The following GPC6 variants were observed in gnomAD, a reference collection of about 807,000 sequenced individuals.
GPC6 encodes the protein glypican-6.
Under a neutral mutation model 55.2 loss-of-function variants are expected in GPC6, and 14 were observed. That is an observed-to-expected ratio of 0.25 (90% CI 0.17 to 0.40). The LOEUF (loss-of-function observed/expected upper bound fraction) is 0.40. Among genes scored for constraint, GPC6 ranks in the 10% least tolerant of loss-of-function variants. The probability of loss-of-function intolerance (pLI) is 1.00; values close to 1 mark genes in which losing one functional copy is unlikely to be tolerated. For synonymous variants in GPC6, 278 were observed against 259.6 expected, an observed-to-expected ratio of 1.07 and a Z score of -0.68; for missense variants, 641 against 708.5, an observed-to-expected ratio of 0.90 and a Z score of 1.08.
At chr13:93,370,007 A>C (rs1486384520) in intron 1 of GPC6, among the ~76,000 whole-genome samples, 1 of 152,098 alleles carries the variant, frequency 6.6e-6, no homozygotes. Flanking sequence ...ACTACTTTTC[A>C]AATTCACTTA....
intron 2 of GPC6, among the ~76,000 whole-genome samples, chr13:93,665,549 A>G (rs931182695): frequency 1.3e-5 from 2 of 152,176 alleles, no homozygotes; most frequent in African/African-American, 2.4e-5. Flanking sequence ...TAGTGTTTAT[A>G]TTGTAAGTTT....
At chr13:93,770,918 T>C (rs528961151) in intron 2 of GPC6, among the ~76,000 whole-genome samples, 126 of 152,232 alleles carry the variant, frequency 8.3e-4, no homozygotes, top group Middle Eastern at 3.4e-3. Context: ...GGTTCTCAAT[T>C]TGTTGACTGA....
intron 5 of GPC6, among the ~76,000 whole-genome samples, chr13:94,293,293 G>A (rs1875099564): frequency 6.6e-6 from 1 of 152,154 alleles, no homozygotes; most frequent in Non-Finnish European, 1.5e-5. Context: ...GTCAAGGGAG[G>A]GAACTGGTAG....
intron 1 of GPC6, among the ~76,000 whole-genome samples, chr13:93,472,086 G>A (rs993035721): frequency 1.3e-5 from 2 of 152,202 alleles, no homozygotes; most frequent in African/African-American, 2.4e-5. Flanking sequence ...AGATGGTTAT[G>A]TCTTCTTGGC....
chr13:94,191,802 G>A (rs1015607585), intron 4 of GPC6, among the ~76,000 whole-genome samples: 1 of 152,144 alleles, frequency 6.6e-6, no homozygotes, highest in African/African-American at 2.4e-5. Flanking sequence ...TCATCTCCAA[G>A]GGGAACTGGT....
At chr13:93,684,817 A>C (rs1482113172) in intron 2 of GPC6, among the ~76,000 whole-genome samples, 4 of 152,174 alleles carry the variant, frequency 2.6e-5, no homozygotes, top group Non-Finnish European at 5.9e-5. Flanking sequence ...CCACATTATC[A>C]ATCTGGAAAC....
intron 1 of GPC6, among the ~76,000 whole-genome samples, chr13:93,462,946 A>T (rs1019030499): frequency 1.3e-5 from 2 of 152,130 alleles, no homozygotes; most frequent in African/African-American, 4.8e-5. Context: ...AAGGCTTCAA[A>T]ATACTGCTAA....
intron 2 of GPC6, among the ~76,000 whole-genome samples, chr13:93,628,868 G>GT (rs1250482859): frequency 6.6e-6 from 1 of 152,034 alleles, no homozygotes; most frequent in Admixed American, 6.5e-5. Context: ...ACAAAGATTA[G>GT]TTTTTTAAAT....
At chr13:94,354,638 C>T (rs189277317) in intron 6 of GPC6, among the ~76,000 whole-genome samples, 9 of 152,318 alleles carry the variant, frequency 5.9e-5, no homozygotes, top group Middle Eastern at 3.4e-3. Context: ...CCCTGCTATT[C>T]GGTAAGCTCT....
chr13:93,791,570 T>G (rs1886035963), intron 2 of GPC6, among the ~76,000 whole-genome samples: 1 of 152,210 alleles, frequency 6.6e-6, no homozygotes. Flanking sequence ...CAAAGAGTAG[T>G]CCCAACTATG....
At chr13:93,497,987 G>T (rs372436850) in intron 1 of GPC6, among the ~76,000 whole-genome samples, 2 of 152,168 alleles carry the variant, frequency 1.3e-5, no homozygotes, top group East Asian at 3.9e-4. Flanking sequence ...TTCTAACTTT[G>T]TAGTACTGGT....
At chr13:93,407,978 A>G (rs976891802) in intron 1 of GPC6, among the ~76,000 whole-genome samples, 18 of 152,162 alleles carry the variant, frequency 1.2e-4, no homozygotes, top group Non-Finnish European at 2.5e-4. Flanking sequence ...CTGTGCCTTT[A>G]TAGAGATTTT....
intron 2 of GPC6, among the ~76,000 whole-genome samples, chr13:93,624,940 A>G (rs1370436001): frequency 6.6e-6 from 1 of 152,222 alleles, no homozygotes; most frequent in Non-Finnish European, 1.5e-5. Flanking sequence ...AAATATGTGG[A>G]AGGAAAACCA....
chr13:93,358,965 TTC>T (rs1880948326), intron 1 of GPC6, among the ~76,000 whole-genome samples: 1 of 145,392 alleles, frequency 6.9e-6, no homozygotes. Flanking sequence ...ATTGCCTTAA[TTC>T]TCTCTCTCTT....
At chr13:93,366,826 C>T (rs1044710985) in intron 1 of GPC6, among the ~76,000 whole-genome samples, 1 of 151,936 alleles carries the variant, frequency 6.6e-6, no homozygotes, top group Non-Finnish European at 1.5e-5. Context: ...GTTTTTTGCT[C>T]TGATTTATGA....
chr13:94,318,210 TG>T (rs1876636064), intron 6 of GPC6, among the ~76,000 whole-genome samples: 1 of 152,192 alleles, frequency 6.6e-6, no homozygotes, highest in Admixed American at 6.5e-5. Flanking sequence ...CTTATCTGTT[TG>T]CTCTATCAAT....
At chr13:94,156,394 G>A (rs1235986006) in intron 4 of GPC6, among the ~76,000 whole-genome samples, 1 of 152,120 alleles carries the variant, frequency 6.6e-6, no homozygotes, top group Non-Finnish European at 1.5e-5. Flanking sequence ...TATAGATACA[G>A]ATATAGAGAT....
At chr13:94,085,270 C>T (rs61004780) in intron 4 of GPC6, among the ~76,000 whole-genome samples, 6 of 128,592 alleles carry the variant, frequency 4.7e-5, no homozygotes, top group Non-Finnish European at 7.8e-5. Context: ...TGCAGTGAGC[C>T]GAGATCACGC....
chr13:93,711,340 A>G (rs1165180046), intron 2 of GPC6, among the ~76,000 whole-genome samples: 1 of 151,650 alleles, frequency 6.6e-6, no homozygotes, highest in Non-Finnish European at 1.5e-5. Context: ...CGTTCATAAA[A>G]CCATCAGATC....
Sources: allele counts gnomAD v4.1 joint callset (sites outside exome capture counted in the v4.1 genomes callset), GRCh38; gene constraint gnomAD v4.1.1; transcripts MANE v1.5; gene names NCBI Gene and HGNC (gene_info 2026-07-23, HGNC 2026-07-21).